CDK14: variants seen among roughly 807,000 people sequenced by gnomAD.
CDK14 encodes the protein cyclin dependent kinase 14, also known as cyclin-dependent kinase 14.
CDK14 carries 34 observed loss-of-function variants against 60.7 expected under a neutral mutation model. The observed-to-expected ratio is 0.56, with a 90% CI of 0.43 to 0.75. The LOEUF (loss-of-function observed/expected upper bound fraction) is 0.75. CDK14 is among the 30% of genes least tolerant of loss of function. CDK14 has a pLI of 0.00. For synonymous variants in CDK14, 197 were observed against 203.7 expected (o/e 0.97, Z 0.28); for missense variants, 482 against 564.1 (o/e 0.85, Z 1.47).
At chr7:91,034,841 C>T (rs1366784755) in intron 10 of CDK14, among the ~76,000 whole-genome samples, 1 of 152,034 alleles carries the variant, frequency 6.6e-6, no homozygotes, top group Non-Finnish European at 1.5e-5. Context: ...TAATCTCTTA[C>T]CTAGTGGTAG....
intron 2 of CDK14, among the ~76,000 whole-genome samples, chr7:90,672,432 C>T (rs1584784373): frequency 6.8e-6 from 1 of 147,358 alleles, no homozygotes. Context: ...ATTTTCATCT[C>T]TGGCTTCTTT....
At chr7:90,709,769 GCTT>G (rs1480374566) in intron 2 of CDK14, 1 of 1,397,800 alleles carries the variant, frequency 7.2e-7, no homozygotes, top group Non-Finnish European at 9.3e-7. Flanking sequence ...GGATTTCTGG[GCTT>G]TTTTTTTTTT....
At chr7:90,742,823 T>TA (rs1003514666) in intron 3 of CDK14, among the ~76,000 whole-genome samples, 38 of 151,896 alleles carry the variant, frequency 2.5e-4, no homozygotes, top group African/African-American at 7.2e-4. Context: ...ATTTTTTTAT[T>TA]AAAAAAAACC....
At chr7:91,090,966 CA>C (rs1398164956) in intron 12 of CDK14, among the ~76,000 whole-genome samples, 1 of 143,870 alleles carries the variant, frequency 7.0e-6, no homozygotes. Flanking sequence ...AGAAGCTTGA[CA>C]CCCAGCTCAT....
Position 90,760,424 on chromosome 7 carries a change from C to T in CDK14, c.464+12649C>T, listed in dbSNP as rs78301224. 5.0e-3 allele frequency among the ~76,000 whole-genome samples: 754 copies of T among 152,274 alleles called. 7 individuals are homozygous for T. The highest frequency in any genetic ancestry group is 7.8e-3 in the Non-Finnish European group (533 of 68,020). ...CTGGATTCCTGGTTCATTGAAGCTG[C>T]AATCTTAAGTGTTGACACCTAGACT... On this transcript the variant is annotated intron_variant, in intron 4 of 14. Coordinates refer to ENST00000380050, the MANE Select transcript of CDK14 (RefSeq NM_001287135.2).
chr7:90,980,999 C>T (rs1795213299), intron 9 of CDK14, among the ~76,000 whole-genome samples: 1 of 152,152 alleles, frequency 6.6e-6, no homozygotes, highest in South Asian at 2.1e-4. Context: ...GTGGCTATGG[C>T]TTCTGCTGAG....
chr7:90,829,135 A>G (rs565973367), intron 5 of CDK14, among the ~76,000 whole-genome samples: 1 of 152,260 alleles, frequency 6.6e-6, no homozygotes, highest in South Asian at 2.1e-4. Flanking sequence ...AGCATGAGGG[A>G]AACTACCCCC....
At chr7:90,776,349 C>G (rs76835052) in intron 4 of CDK14, among the ~76,000 whole-genome samples, 3,269 of 152,316 alleles carry the variant, frequency 0.021, 49 homozygotes, top group Non-Finnish European at 0.033. Flanking sequence ...CAATTCCTTG[C>G]ATCTAGGAAG....
chr7:90,899,487 A>C lies in CDK14; in HGVS notation c.702+134A>C, dbSNP rs1005671048. ...GTAAAGAGAAGGGATATTGAGGTGA[A>C]CCAGTCATTGCTTCAGTTGAGTTGT... On this transcript the variant is annotated intron_variant, in intron 7 of 14. Coordinates refer to ENST00000380050, the MANE Select transcript of CDK14 (RefSeq NM_001287135.2). 6 of 510,734 alleles carry C rather than the reference A, an allele frequency of 1.2e-5. No individual in the cohort carries two copies. In the South Asian group the frequency reaches 2.6e-4, roughly 22 times the overall value. 31.6% of individuals were successfully genotyped at this position (510,734 alleles called of 1,614,324 possible). A position where few individuals can be genotyped will look rare whatever the true frequency, so the allele number is the denominator to read the frequency against.
intron 7 of CDK14, among the ~76,000 whole-genome samples, chr7:90,910,157 A>G (rs1415620327): frequency 1.3e-5 from 2 of 152,166 alleles, no homozygotes; most frequent in Non-Finnish European, 2.9e-5. Context: ...CTAGGGTTTT[A>G]TTTCTCTTTT....
chr7:90,975,988 C>G (rs1237508997), intron 9 of CDK14, among the ~76,000 whole-genome samples: 1 of 152,068 alleles, frequency 6.6e-6, no homozygotes, highest in East Asian at 1.9e-4. Flanking sequence ...GTGAATAGTT[C>G]TGCAGTGAAC....
chr7:90,933,522 G>A (rs1040640215), intron 8 of CDK14, among the ~76,000 whole-genome samples: 1 of 152,112 alleles, frequency 6.6e-6, no homozygotes, highest in Non-Finnish European at 1.5e-5. Flanking sequence ...TAAACAGAGG[G>A]CTGTAGATTG....
chr7:91,079,530 T>A, intron 12 of CDK14, 50 bp downstream of exon 12: 1 of 1,249,770 alleles, frequency 8.0e-7, no homozygotes, highest in Non-Finnish European at 1.2e-6. Context: ...TCTTTTAATA[T>A]TTACAACTCT....
chr7:91,026,498 C>A (rs1022297203), intron 10 of CDK14, among the ~76,000 whole-genome samples: 3 of 152,164 alleles, frequency 2.0e-5, no homozygotes, highest in Non-Finnish European at 2.9e-5. Context: ...ACTGTTAGCC[C>A]AACCTCTGAT....
chr7:91,181,029 T>C (rs1231006460), intron 14 of CDK14, among the ~76,000 whole-genome samples: 12 of 152,242 alleles, frequency 7.9e-5, no homozygotes, highest in Admixed American at 2.0e-4. Context: ...AATGTAGTTC[T>C]ATAAATACCA....
At chr7:91,205,785 C>T (rs1802877117) in intron 14 of CDK14, among the ~76,000 whole-genome samples, 1 of 152,022 alleles carries the variant, frequency 6.6e-6, no homozygotes, top group Admixed American at 6.6e-5. Flanking sequence ...AGAGAATGCT[C>T]TTTTTATTTT....
intron 5 of CDK14, among the ~76,000 whole-genome samples, chr7:90,806,056 A>G (rs752442117): frequency 2.0e-5 from 3 of 152,196 alleles, no homozygotes; most frequent in Non-Finnish European, 4.4e-5. Context: ...AACTTTTTCA[A>G]TAAATGGTGC....
At chr7:90,876,026 A>ATT (rs1427562142) in intron 6 of CDK14, among the ~76,000 whole-genome samples, 1 of 151,854 alleles carries the variant, frequency 6.6e-6, no homozygotes, top group African/African-American at 2.4e-5. Flanking sequence ...CCAAGTTGTT[A>ATT]TTTTTTTCTT....
At chr7:90,875,651 T>C (rs949986624) in intron 6 of CDK14, among the ~76,000 whole-genome samples, 4 of 152,182 alleles carry the variant, frequency 2.6e-5, no homozygotes, top group African/African-American at 9.7e-5. Flanking sequence ...TAAATTATTT[T>C]GTTACTATTT....
Sources: allele counts gnomAD v4.1 joint callset (sites outside exome capture counted in the v4.1 genomes callset), GRCh38; gene constraint gnomAD v4.1.1; transcripts MANE v1.5; gene names NCBI Gene and HGNC (gene_info 2026-07-23, HGNC 2026-07-21).